The following YIPF2 variants were observed in gnomAD, a reference collection of about 807,000 sequenced individuals.
The protein encoded by YIPF2 is protein YIPF2.
Under a neutral mutation model 38.8 loss-of-function variants are expected in YIPF2, and 30 were observed. The observed-to-expected ratio is 0.77, with a 90% CI of 0.58 to 1.05. The LOEUF is 1.05. YIPF2 is among the 50% of genes least tolerant of loss of function. The probability of loss-of-function intolerance (pLI) is 0.00; values close to 1 mark genes in which losing one functional copy is unlikely to be tolerated. For synonymous variants in YIPF2, 194 were observed against 183.8 expected (o/e 1.06, Z -0.45); for missense variants, 401 against 409.7 (o/e 0.98, Z 0.18).
chr19:10,923,867 T>C lies in YIPF2; in HGVS notation c.617A>G (p.Tyr206Cys). The C allele has an allele frequency of 6.2e-7, 1 of 1,613,348 alleles. No homozygotes were observed. The highest frequency in any genetic ancestry group is 1.1e-5 in the South Asian group (1 of 90,974). Residue 206 changes from tyrosine (Y) to cysteine (C), a missense_variant, in exon 7 of 10, where the codon TAC becomes TGC. Coordinates refer to ENST00000586748, the MANE Select transcript of YIPF2 (RefSeq NM_001321439.2). ...PYTFLETVCI[Y>C]GYSLFVFIPM... is the part of the protein sequence containing the mutation. ...GATGAAGACAAAGAGGGAGTAGCCG[T>C]AGATGCACACAGTCTCCAGGAAGGT... is the stretch of plus-strand genomic sequence containing the variant.
Position 10,928,623 on chromosome 19 carries a change from G to A in YIPF2, c.-143C>T. 1.2e-6 allele frequency: 1 copy of A among 850,988 alleles called. No individual in the cohort carries two copies. The highest frequency in any genetic ancestry group is 1.7e-6 in the Non-Finnish European group (1 of 593,616). The allele number at this position is 850,988 out of a possible 1,614,324, so 52.7% of individuals were successfully genotyped here. A position where few individuals can be genotyped will look rare whatever the true frequency, so the allele number is the denominator to read the frequency against. On this transcript the variant is annotated 5_prime_UTR_variant, in exon 1 of 10. Coordinates refer to ENST00000586748, the MANE Select transcript of YIPF2 (RefSeq NM_001321439.2). Reference sequence around the variant, plus strand: ...GGCCGGCGTGGCTGGGGCTCTCTGCGCCTGCGCGTCTCGCCTACCCGTCAG... The same window carrying A: ...GGCCGGCGTGGCTGGGGCTCTCTGCACCTGCGCGTCTCGCCTACCCGTCAG...
At chr19:10,925,337 C>T (rs559820396) in intron 5 of YIPF2, among the ~76,000 whole-genome samples, 2 of 152,218 alleles carry the variant, frequency 1.3e-5, no homozygotes, top group East Asian at 1.9e-4. Context: ...GTGGTAATGC[C>T]GCCCTGCAGT....
chr19:10,923,442 G>C, intron 8 of YIPF2, 35 bp from the exon 9 acceptor site: 1 of 1,613,248 alleles, frequency 6.2e-7, no homozygotes, highest in Middle Eastern at 1.7e-4. Context: ...GGCAGGGCCA[G>C]CCCATGCCCC....
At chr19:10,926,727 G>A (rs1199224190) in intron 4 of YIPF2, among the ~76,000 whole-genome samples, 4 of 151,340 alleles carry the variant, frequency 2.6e-5, no homozygotes, top group East Asian at 2.0e-4. Flanking sequence ...GGGTTTCACC[G>A]CGTTGGCCAG....
chr19:10,925,616 C>G lies in YIPF2; in HGVS notation c.367+70G>C, dbSNP rs371577375. On this transcript the variant is annotated intron_variant, in intron 5 of 9. Transcript: ENST00000586748. ...TGACTGATTTGTCCGCAGCTATACA[C>G]TGGCATCTGCAACTCAGGCCACACT... 11 of 1,567,438 alleles carry G rather than the reference C, an allele frequency of 7.0e-6. No individual in the cohort carries two copies. In the South Asian group the frequency reaches 9.1e-5, roughly 13 times the overall value.
Position 10,922,547 on chromosome 19 carries a change from G to C in YIPF2, c.*647C>G, listed in dbSNP as rs952620546. 1.3e-5 allele frequency: 2 copies of C among 151,270 alleles called. No individual in the cohort carries two copies. 9.4% of individuals were successfully genotyped at this position (151,270 alleles called of 1,614,324 possible). A position where few individuals can be genotyped will look rare whatever the true frequency, so the allele number is the denominator to read the frequency against. ...GGAAGGCCACTGCCGGCCACTTGGG[G>C]CAGACACAGACACCTCAAGGATCTG... On this transcript the variant is annotated 3_prime_UTR_variant, in exon 10 of 10. Coordinates refer to ENST00000586748, the MANE Select transcript of YIPF2 (RefSeq NM_001321439.2).
At chr19:10,928,466 A>G in intron 1 of YIPF2, 26 bp from the exon 2 acceptor site, 1 of 1,357,686 alleles carries the variant, frequency 7.4e-7, no homozygotes, top group Non-Finnish European at 9.5e-7. Context: ...GGTCAGGCAC[A>G]CTTCCCCCCC....
Position 10,923,023 on chromosome 19 carries a change from A to G in YIPF2, c.*171T>C. 1 of 362,612 alleles carries G rather than the reference A, an allele frequency of 2.8e-6. No individual in the cohort carries two copies. The highest frequency in any genetic ancestry group is 4.9e-6 in the Non-Finnish European group (1 of 202,878). The allele number at this position is 362,612 out of a possible 1,614,324, so 22.5% of individuals were successfully genotyped here. A position where few individuals can be genotyped will look rare whatever the true frequency, so the allele number is the denominator to read the frequency against. On this transcript the variant is annotated 3_prime_UTR_variant, in exon 10 of 10. Transcript: ENST00000586748. ...CTGCCCCTCGCCCGCCTTTATATAA[A>G]TTCTCTGAATCACCTTTGCATAGAA...
rs752421871 is a variant in YIPF2 at position 10,925,759 on chromosome 19, GA to G, written c.293del (p.Ile98ThrfsTer44). The G allele has an allele frequency of 3.7e-6, 6 of 1,613,830 alleles. No individual in the cohort carries two copies. In the Admixed American group the frequency reaches 5.0e-5, roughly 13 times the overall value. ...CAGGCCGGGGCAGCAGTGAGCCTTT[GA>G]TCCGGTCCAGGACCTGGGGGCAAGG... is the stretch of plus-strand genomic sequence containing the variant. ...DVDTSQVLDR[I>X]KGSLLPRPGH... On this transcript the variant is annotated frameshift_variant, in exon 5 of 10. Transcript: ENST00000586748. LOFTEE classifies it high-confidence loss of function.
rs1387629498 is a variant in YIPF2 at position 10,923,057 on chromosome 19, T to C, written c.*137A>G. 4.1e-6 allele frequency: 2 copies of C among 489,476 alleles called. No homozygotes were observed. Among genetic ancestry groups the C allele is most frequent in the Non-Finnish European group, 7.1e-6 (2 of 280,024 alleles). The allele number at this position is 489,476 out of a possible 1,614,324, so 30.3% of individuals were successfully genotyped here. A position where few individuals can be genotyped will look rare whatever the true frequency, so the allele number is the denominator to read the frequency against. Reference sequence around the variant, plus strand: ...ATCACCTTTGCATAGAAAATAAAAGTGTTTGCTTTGTAAGAAAAGTCTGGA... The same window carrying C: ...ATCACCTTTGCATAGAAAATAAAAGCGTTTGCTTTGTAAGAAAAGTCTGGA... On this transcript the variant is annotated 3_prime_UTR_variant, in exon 10 of 10. Coordinates refer to ENST00000586748, the MANE Select transcript of YIPF2 (RefSeq NM_001321439.2).
chr19:10,925,905 C>CAT, intron 4 of YIPF2, 132 bp from the exon 5 acceptor site: 1 of 434,292 alleles, frequency 2.3e-6, no homozygotes. Flanking sequence ...CTTTCCCTCT[C>CAT]TTTTTTTTTT....
intron 5 of YIPF2, among the ~76,000 whole-genome samples, chr19:10,924,884 C>T (rs1026438815): frequency 3.9e-5 from 6 of 152,034 alleles, no homozygotes; most frequent in African/African-American, 1.4e-4. Context: ...CCCCAGCCTC[C>T]TGGCTTCCGC....
Position 10,928,341 on chromosome 19 carries a change from C to T in YIPF2, c.31+39G>A. On this transcript the variant is annotated intron_variant, in intron 2 of 9. Coordinates refer to ENST00000586748, the MANE Select transcript of YIPF2 (RefSeq NM_001321439.2). ...ATCGGGGGGAGGTTCTGGCCCGGGG[C>T]GGGAGTGGGAGATCCGGCCACGTCG... The T allele has an allele frequency of 3.8e-6, 5 of 1,322,730 alleles. No individual in the cohort carries two copies. The South Asian group carries it at 9.7e-5, about 26-fold the overall frequency. The allele number at this position is 1,322,730 out of a possible 1,614,324, so 81.9% of individuals were successfully genotyped here.
At chr19:10,925,248 G>T (rs888062737) in intron 5 of YIPF2, among the ~76,000 whole-genome samples, 3 of 149,964 alleles carry the variant, frequency 2.0e-5, no homozygotes, top group African/African-American at 7.4e-5. Flanking sequence ...AAAAAAAAAA[G>T]ATCTCTTCTT....
chr19:10,923,404 A>G lies in YIPF2; in HGVS notation c.838T>C (p.Tyr280His). ...HALLAMGCKLYFFQSLPPENV... is the reference protein window; with the variant it reads ...HALLAMGCKLHFFQSLPPENV... ...TCCGGAGGCAGCGACTGGAAGAAGT[A>G]CAACTGCACAAGACCCCTGGGGTCA... The change falls in exon 9 of 10, where the codon TAC becomes CAC. Residue 280 changes from tyrosine (Y) to histidine (H), a missense_variant. Physicochemically the swap from Tyr to His is moderately conservative, Grantham distance 83. Transcript: ENST00000586748. 1 of 1,613,546 alleles carries G rather than the reference A, an allele frequency of 6.2e-7. No individual in the cohort carries two copies.
At chr19:10,923,231 G>T in intron 9 of YIPF2, 41 bp downstream of exon 9, 2 of 1,495,518 alleles carry the variant, frequency 1.3e-6, no homozygotes, top group South Asian at 1.3e-5. Context: ...GACTGGGAGT[G>T]GGAGGGCAGC....
At position 10,927,588 on chromosome 19, in the gene YIPF2, G is replaced by A. The variant is rs750640809; in HGVS notation, c.279+42C>T. The stretch of plus-strand genomic sequence containing the variant: ...CAGGGGAAGAGTGGCTGAACCCTGA[G>A]CATAACTCTGAGCCCCATCCCACCT... On this transcript the variant is annotated intron_variant, in intron 4 of 9. Transcript: ENST00000586748. 4 of 1,606,134 alleles carry A rather than the reference G, an allele frequency of 2.5e-6. No homozygotes were observed. In the African/African-American group the frequency reaches 5.4e-5, roughly 21 times the overall value.
intron 4 of YIPF2, among the ~76,000 whole-genome samples, chr19:10,926,893 G>C (rs933064793): frequency 6.6e-6 from 1 of 151,284 alleles, no homozygotes; most frequent in African/African-American, 2.4e-5. Context: ...TTTTGAGACA[G>C]AGTCTCATTC....
intron 4 of YIPF2, among the ~76,000 whole-genome samples, chr19:10,926,163 G>A (rs1238572180): frequency 6.6e-6 from 1 of 151,334 alleles, no homozygotes; most frequent in Non-Finnish European, 1.5e-5. Context: ...CACCCACCTC[G>A]GCCTCCCAAA....
Sources: allele counts gnomAD v4.1 joint callset (sites outside exome capture counted in the v4.1 genomes callset), GRCh38; gene constraint gnomAD v4.1.1; transcripts MANE v1.5; gene names NCBI Gene and HGNC (gene_info 2026-07-23, HGNC 2026-07-21).